RNF150: variants seen among roughly 807,000 people sequenced by gnomAD.
RNF150 encodes ring finger protein 150.
In RNF150, 24 loss-of-function variants were observed where a neutral mutation model predicts 39.3. The observed-to-expected ratio is 0.61, with a 90% CI of 0.44 to 0.86. The LOEUF (loss-of-function observed/expected upper bound fraction) is 0.86, where lower values mean the gene tolerates loss of function less well. RNF150 is among the 40% of genes least tolerant of loss of function. The pLI is 0.00. For synonymous variants in RNF150, 255 were observed against 227.3 expected (o/e 1.12, Z -1.10); for missense variants, 502 against 587.8 (o/e 0.85, Z 1.51).
At chr4:141,103,222 T>C (rs1383878953) in intron 1 of RNF150, among the ~76,000 whole-genome samples, 1 of 152,184 alleles carries the variant, frequency 6.6e-6, no homozygotes, top group African/African-American at 2.4e-5. Flanking sequence ...CAATAAAAAC[T>C]ATCAAAGCCT....
intron 6 of RNF150, among the ~76,000 whole-genome samples, chr4:140,883,161 A>T (rs1729437332): frequency 6.6e-6 from 1 of 151,910 alleles, no homozygotes; most frequent in South Asian, 2.1e-4. Context: ...TAAAAACTCT[A>T]CTCTTATATA....
intron 1 of RNF150, among the ~76,000 whole-genome samples, chr4:141,045,565 C>T (rs926708848): frequency 3.0e-4 from 46 of 151,416 alleles, no homozygotes; most frequent in African/African-American, 9.7e-4. Flanking sequence ...TTTTTTGAAA[C>T]GGAGTTTCGT....
intron 1 of RNF150, among the ~76,000 whole-genome samples, chr4:141,091,514 A>C (rs749922376): frequency 2.6e-5 from 4 of 152,230 alleles, no homozygotes; most frequent in Non-Finnish European, 5.9e-5. Flanking sequence ...ATTTGGATCC[A>C]GAAAAAGAAA....
intron 1 of RNF150, among the ~76,000 whole-genome samples, chr4:141,027,219 G>A (rs1010125760): frequency 1.3e-5 from 2 of 152,120 alleles, no homozygotes; most frequent in African/African-American, 4.8e-5. Flanking sequence ...ATGGAGAAGT[G>A]TCTCTGATTC....
intron 4 of RNF150, among the ~76,000 whole-genome samples, chr4:140,935,524 C>G (rs751657380): frequency 1.2e-4 from 19 of 152,018 alleles, no homozygotes; most frequent in African/African-American, 4.1e-4. Flanking sequence ...TGTCCTAAGG[C>G]GACATTTGCT....
rs1215566906 is a variant in RNF150 at position 141,043,040 on chromosome 4, T to C, written c.485-75167A>G. On this transcript the variant is annotated intron_variant, in intron 1 of 6. Coordinates refer to ENST00000515673, the MANE Select transcript of RNF150 (RefSeq NM_020724.2). ...TTAGATTTAACATGTATTTCAGTGA[T>C]CAAGTCATTTGTGGGAAATTCTTTG... Among the ~76,000 whole-genome samples, 3 of 152,146 alleles carry C rather than the reference T, an allele frequency of 2.0e-5. No homozygotes were observed. The East Asian group carries it at 5.8e-4, about 29-fold the overall frequency.
chr4:141,144,048 G>A (rs1727162595), intron 1 of RNF150, among the ~76,000 whole-genome samples: 1 of 151,856 alleles, frequency 6.6e-6, no homozygotes, highest in African/African-American at 2.4e-5. Flanking sequence ...ATTGAAATTA[G>A]GGTTCAGAAC....
intron 1 of RNF150, among the ~76,000 whole-genome samples, chr4:141,147,983 T>C (rs1301913747): frequency 2.0e-5 from 3 of 152,214 alleles, no homozygotes; most frequent in Non-Finnish European, 4.4e-5. Flanking sequence ...TTTAAAACCA[T>C]ATATTGGTTG....
intron 6 of RNF150, among the ~76,000 whole-genome samples, chr4:140,903,604 G>GC (rs1207376014): frequency 2.6e-5 from 4 of 152,256 alleles, no homozygotes; most frequent in African/African-American, 9.6e-5. Flanking sequence ...CTGCAGGTCT[G>GC]CCCCCCAGCC....
chr4:140,947,572 C>G (rs916922415), intron 4 of RNF150, 82 bp downstream of exon 4: 37 of 928,494 alleles, frequency 4.0e-5, no homozygotes, highest in Non-Finnish European at 6.3e-5. Context: ...AGCACTATGC[C>G]CAGCAGGTCG....
At chr4:141,129,878 C>T (rs186201142) in intron 1 of RNF150, among the ~76,000 whole-genome samples, 1 of 152,248 alleles carries the variant, frequency 6.6e-6, no homozygotes, top group Non-Finnish European at 1.5e-5. Context: ...AAATACAGAC[C>T]TTCTCACCTG....
At chr4:140,970,633 A>G (rs1011024120) in intron 1 of RNF150, among the ~76,000 whole-genome samples, 1 of 151,982 alleles carries the variant, frequency 6.6e-6, no homozygotes, top group Non-Finnish European at 1.5e-5. Flanking sequence ...CTCATCATCC[A>G]TTTTCAGGGA....
chr4:141,134,960 A>C (rs1424844501), upstream of RNF150, among the ~76,000 whole-genome samples: 1 of 152,196 alleles, frequency 6.6e-6, no homozygotes, highest in Non-Finnish European at 1.5e-5. Flanking sequence ...TATGTTATTA[A>C]GAATGTGTGA....
At chr4:141,032,790 G>T (rs1319145186) in intron 1 of RNF150, among the ~76,000 whole-genome samples, 1 of 152,078 alleles carries the variant, frequency 6.6e-6, no homozygotes, top group African/African-American at 2.4e-5. Context: ...GTTTCCCACT[G>T]CATATAAAAT....
chr4:141,154,609 T>G lies in RNF150; in HGVS notation c.-6+58185A>C, dbSNP rs4956521. On this transcript the variant is annotated intron_variant, in intron 1 of 7. Transcript: ENST00000420921. ...CAATTCTGGTGTGTTTCTAGAGAGA[T>G]AGAATATGCCCCTGTGCAACACATC... is the stretch of plus-strand genomic sequence containing the variant. Among the ~76,000 whole-genome samples the G allele has an allele frequency of 9.2e-5, 14 of 152,304 alleles. No homozygotes were observed. In the South Asian group the frequency reaches 2.3e-3, roughly 25 times the overall value.
chr4:141,180,628 A>T (rs1727892024), intron 1 of RNF150, among the ~76,000 whole-genome samples: 1 of 152,104 alleles, frequency 6.6e-6, no homozygotes, highest in Non-Finnish European at 1.5e-5. Context: ...ACTTTAAGAT[A>T]TTCCTTTTCT....
In RNF150 at chr4:141,132,865, C is replaced by T; in HGVS notation, c.-57G>A. 1.4e-6 allele frequency: 2 copies of T among 1,451,748 alleles called. No individual in the cohort carries two copies. The highest frequency in any genetic ancestry group is 1.9e-6 in the Non-Finnish European group (2 of 1,053,526). 89.9% of individuals were successfully genotyped at this position (1,451,748 alleles called of 1,614,324 possible). A position where few individuals can be genotyped will look rare whatever the true frequency, so the allele number is the denominator to read the frequency against. On this transcript the variant is annotated 5_prime_UTR_variant, in exon 1 of 7. Transcript: ENST00000515673. The surrounding 1 kb of genome is among the most constrained non-coding windows in gnomAD (Gnocchi z 4.9). ...GCGCCCTCCCTCCGTCCCGTCCCTC[C>T]TCCCCAGCCCCGGCCAACCCCGGGC...
intron 1 of RNF150, among the ~76,000 whole-genome samples, chr4:141,146,923 T>C (rs1727214328): frequency 1.3e-5 from 2 of 152,218 alleles, no homozygotes; most frequent in Non-Finnish European, 2.9e-5. Flanking sequence ...ATTAGCTTTA[T>C]TACTGATAAA....
In RNF150 at chr4:140,863,797, C is replaced by G. The variant is rs1040430294; in HGVS notation, c.*4464G>C. The G allele has an allele frequency of 6.6e-6, 1 of 152,116 alleles. No homozygotes were observed. Among genetic ancestry groups the G allele is most frequent in the African/African-American group, 2.4e-5 (1 of 41,420 alleles). 9.4% of individuals were successfully genotyped at this position (152,116 alleles called of 1,614,324 possible). A position where few individuals can be genotyped will look rare whatever the true frequency, so the allele number is the denominator to read the frequency against. ...GGCTCTCGCTCCACAGAGGGAGTGA[C>G]TCCATAGCCCAGATTTTTTGAAAAG... On this transcript the variant is annotated 3_prime_UTR_variant, in exon 7 of 7. Transcript: ENST00000515673.
Sources: allele counts gnomAD v4.1 joint callset (sites outside exome capture counted in the v4.1 genomes callset), GRCh38; gene constraint gnomAD v4.1.1; non-coding constraint Gnocchi (gnomAD v3.1); transcripts MANE v1.5; gene names NCBI Gene and HGNC (gene_info 2026-07-23, HGNC 2026-07-21).